The following SRGAP3 variants were observed in gnomAD, a reference collection of about 807,000 sequenced individuals.
SRGAP3 encodes SLIT-ROBO Rho GTPase activating protein 3, also known as SLIT-ROBO Rho GTPase-activating protein 3.
A neutral mutation model predicts 121.1 loss-of-function variants in SRGAP3; 39 were observed. That is an observed-to-expected ratio of 0.32 (90% confidence interval 0.25 to 0.42). The LOEUF (loss-of-function observed/expected upper bound fraction) is 0.42. Among genes scored for constraint, SRGAP3 ranks in the 10% least tolerant of loss-of-function variants. The probability of loss-of-function intolerance (pLI) is 1.00; values close to 1 mark genes in which losing one functional copy is unlikely to be tolerated. For synonymous variants in SRGAP3, 601 were observed against 570.0 expected (o/e 1.05, Z -0.77); for missense variants, 1,213 against 1,470.6 (o/e 0.82, Z 2.86).
At chr3:9,119,908 G>A (rs778567023) in intron 2 of SRGAP3, among the ~76,000 whole-genome samples, 4 of 152,188 alleles carry the variant, frequency 2.6e-5, no homozygotes, top group Non-Finnish European at 5.9e-5. Context: ...GAATATCACT[G>A]AGCCATCAAT....
chr3:9,280,587 C>T (rs983728639), intron 3 of SRGAP3, among the ~76,000 whole-genome samples: 4 of 152,222 alleles, frequency 2.6e-5, no homozygotes, highest in African/African-American at 9.6e-5. Flanking sequence ...CATTTCCATC[C>T]ATCAGGAGGC....
chr3:9,293,667 G>C (rs1954904675), intron 3 of SRGAP3, among the ~76,000 whole-genome samples: 1 of 152,084 alleles, frequency 6.6e-6, no homozygotes, highest in Non-Finnish European at 1.5e-5. Flanking sequence ...ATTAAAAAGT[G>C]GGCAAAGGAC....
intron 1 of SRGAP3, among the ~76,000 whole-genome samples, chr3:9,216,199 G>A (rs1952615832): frequency 6.6e-6 from 1 of 152,198 alleles, no homozygotes; most frequent in African/African-American, 2.4e-5. Flanking sequence ...CCTCTTCTGT[G>A]CTTCATCTTC....
chr3:9,201,954 G>A (rs1390569845), intron 1 of SRGAP3, among the ~76,000 whole-genome samples: 1 of 152,114 alleles, frequency 6.6e-6, no homozygotes, highest in Non-Finnish European at 1.5e-5. Context: ...TTTACGAATG[G>A]CAAGGATAGG....
At chr3:9,157,596 T>A (rs1037235661) in intron 1 of SRGAP3, among the ~76,000 whole-genome samples, 1 of 152,220 alleles carries the variant, frequency 6.6e-6, no homozygotes, top group Non-Finnish European at 1.5e-5. Context: ...GGAAAGGAAA[T>A]GGTAGCTTGC....
At chr3:9,148,658 A>G (rs930564609) in intron 1 of SRGAP3, among the ~76,000 whole-genome samples, 14 of 152,330 alleles carry the variant, frequency 9.2e-5, no homozygotes, top group African/African-American at 2.9e-4. Flanking sequence ...AGAACCTGAG[A>G]TATCAGAAGC....
rs1026191912 is a variant in SRGAP3 at position 9,239,277 on chromosome 3, G to A, written c.67+9608C>T. ...CACCTGTAATCCCAGCTACTTGGGA[G>A]GCTGAGGCAGAAGAATCACTTAAAT... is the stretch of plus-strand genomic sequence containing the variant. On this transcript the variant is annotated intron_variant, in intron 1 of 21. Transcript: ENST00000383836. This position sits in a 1 kb window ranked among gnomAD's most constrained non-coding sequence, Gnocchi z 4.0. Among the ~76,000 whole-genome samples, 3 of 152,132 alleles carry A rather than the reference G, an allele frequency of 2.0e-5. No homozygotes were observed. The highest frequency in any genetic ancestry group is 4.8e-5 in the African/African-American group (2 of 41,406).
chr3:9,097,034 A>G (rs973731840), intron 3 of SRGAP3, among the ~76,000 whole-genome samples: 3 of 144,862 alleles, frequency 2.1e-5, no homozygotes, highest in Non-Finnish European at 4.5e-5. Context: ...TCTATTGTCC[A>G]GGCTGGAGTA....
At chr3:8,987,891 A>G (rs1350297103) in intron 21 of SRGAP3, among the ~76,000 whole-genome samples, 2 of 152,050 alleles carry the variant, frequency 1.3e-5, no homozygotes, top group African/African-American at 4.8e-5. Context: ...CCTATCATCA[A>G]CCACTCCGCT....
At chr3:9,112,951 G>A (rs1575092134) in intron 2 of SRGAP3, among the ~76,000 whole-genome samples, 1 of 152,210 alleles carries the variant, frequency 6.6e-6, no homozygotes, top group East Asian at 1.9e-4. Context: ...CTAGAAGGAT[G>A]GGTAGGTTTT....
chr3:9,055,869 C>T (rs1057275562), intron 8 of SRGAP3, among the ~76,000 whole-genome samples: 1 of 147,156 alleles, frequency 6.8e-6, no homozygotes, highest in Non-Finnish European at 1.5e-5. Flanking sequence ...AACATAGAGT[C>T]CTATTTCCTT....
intron 1 of SRGAP3, among the ~76,000 whole-genome samples, chr3:9,185,696 C>T (rs1205443555): frequency 1.3e-5 from 2 of 151,954 alleles, no homozygotes; most frequent in Non-Finnish European, 1.5e-5. Flanking sequence ...TCAAGTAGCA[C>T]TAAGGCCTGA....
At chr3:9,068,974 T>G (rs371617718) in intron 4 of SRGAP3, among the ~76,000 whole-genome samples, 7 of 152,288 alleles carry the variant, frequency 4.6e-5, no homozygotes, top group East Asian at 3.9e-4. Context: ...AAAAACCCTA[T>G]GAGATAGGCA....
At chr3:9,075,395 G>GCGCA (rs1560085595) in intron 4 of SRGAP3, among the ~76,000 whole-genome samples, 5 of 152,240 alleles carry the variant, frequency 3.3e-5, no homozygotes, top group African/African-American at 1.2e-4. Flanking sequence ...GTGTGTGCGC[G>GCGCA]CGCACATATG....
intron 1 of SRGAP3, among the ~76,000 whole-genome samples, chr3:9,130,863 TC>T (rs1047140061): frequency 6.6e-6 from 1 of 152,220 alleles, no homozygotes; most frequent in African/African-American, 2.4e-5. Flanking sequence ...AGCTCATAAA[TC>T]ACATCGTGAT....
chr3:9,069,568 A>C (rs944389000), intron 4 of SRGAP3, among the ~76,000 whole-genome samples: 1 of 152,212 alleles, frequency 6.6e-6, no homozygotes, highest in Non-Finnish European at 1.5e-5. Flanking sequence ...TCTTGGACCA[A>C]GTTCAGTTGC....
intron 15 of SRGAP3, chr3:9,014,333 G>A (rs1296297198): frequency 5.2e-6 from 1 of 193,420 alleles, no homozygotes; most frequent in Non-Finnish European, 1.1e-5. Flanking sequence ...TATGAGTCCT[G>A]ACAGACACAG....
At chr3:9,253,884 G>A (rs1954068974), upstream of SRGAP3, among the ~76,000 whole-genome samples, 1 of 152,188 alleles carries the variant, frequency 6.6e-6, no homozygotes, top group Non-Finnish European at 1.5e-5. Flanking sequence ...TGTTTCATTG[G>A]TAAGGAAATA....
chr3:9,127,189 T>A (rs531727044), intron 1 of SRGAP3, among the ~76,000 whole-genome samples: 4 of 152,032 alleles, frequency 2.6e-5, no homozygotes, highest in East Asian at 1.9e-4. Context: ...AGTTTTAAAT[T>A]AGCCAGGTGT....
Sources: gnomAD v4.1 joint callset for allele counts (sites outside exome capture counted in the v4.1 genomes callset) on GRCh38, gnomAD v4.1.1 for gene constraint, Gnocchi (gnomAD v3.1) non-coding constraint, MANE v1.5 for transcripts, NCBI Gene and HGNC (gene_info 2026-07-23, HGNC 2026-07-21) for gene names.